The following TRPM5 variants were observed in gnomAD, a reference collection of about 807,000 sequenced individuals.
TRPM5 encodes transient receptor potential cation channel subfamily M member 5, also known as MLSN1 and TRP-related.
Under a neutral mutation model 124.9 loss-of-function variants are expected in TRPM5, and 121 were observed. That is an observed-to-expected ratio of 0.97 (90% CI 0.84 to 1.13). The LOEUF is 1.13. Among genes scored for constraint, TRPM5 ranks in the 50% most tolerant of loss-of-function variants. The pLI is 0.00. For missense variants in TRPM5, 1,643 were observed against 1,589.1 expected (o/e 1.03, Z -0.58); for synonymous variants, 781 against 700.5 (o/e 1.11, Z -1.81).
chr11:2,410,038 T>C (rs1343717410), intron 18 of TRPM5, among the ~76,000 whole-genome samples: 1 of 152,154 alleles, frequency 6.6e-6, no homozygotes, highest in East Asian at 1.9e-4. Flanking sequence ...CTAGAGCTCC[T>C]CCTGCCCCGA....
intron 2 of TRPM5, 87 bp from the exon 8 acceptor site, chr11:2,421,285 G>T: frequency 7.0e-7 from 1 of 1,425,452 alleles, no homozygotes; most frequent in Non-Finnish European, 9.2e-7. Context: ...GGCCCAATCA[G>T]CAGCCAGTTA....
At chr11:2,414,833 C>T in exon 11 of TRPM5, 2 of 1,592,678 alleles carry the variant, frequency 1.3e-6, no homozygotes, top group Non-Finnish European at 1.7e-6. Context: ...CCACACCTTC[C>T]TGGCCCTACG....
At chr11:2,441,957 G>A in the TRPM5 span, among the ~76,000 whole-genome samples, 2 of 152,118 alleles carry the variant, frequency 1.3e-5, no homozygotes, top group Non-Finnish European at 1.5e-5. This position sits in a 1 kb window ranked among gnomAD's most constrained non-coding sequence, Gnocchi z 7.2. Context: ...CCAAAGTGCT[G>A]GGATTACAGG....
intron 7 of TRPM5, among the ~76,000 whole-genome samples, chr11:2,416,743 G>C (rs563319539): frequency 7.2e-4 from 110 of 152,326 alleles, no homozygotes; most frequent in African/African-American, 2.6e-3. Context: ...GCTTAGCAGT[G>C]CCTCTCCCTG....
chr11:2,430,611 G>A, the TRPM5 span, among the ~76,000 whole-genome samples: 2 of 152,078 alleles, frequency 1.3e-5, no homozygotes, highest in African/African-American at 4.8e-5. Context: ...GGTTTTGGTG[G>A]TGGTGATGTT....
chr11:2,412,664 G>A, intron 15 of TRPM5, 90 bp downstream of exon 20: 1 of 1,361,762 alleles, frequency 7.3e-7, no homozygotes, highest in Non-Finnish European at 9.8e-7. Flanking sequence ...TACAGTTGGG[G>A]AGCCCCACCC....
Position 2,411,422 on chromosome 11 carries a change from C to T in TRPM5, c.2712G>A (p.Trp904Ter), listed in dbSNP as rs754940965. ...GCCGGTAGAGCACCCGGCGGAAGAT[C>T]CACTCCAGGCGGCCGTCATGGGGGT... Residue 904 changes from tryptophan to a stop codon, truncating the protein, a stop_gained, in exon 18 of 24, where the codon TGG (tryptophan) becomes TGA (stop). Coordinates refer to ENST00000155858, the Ensembl canonical transcript of TRPM5. LOFTEE classifies it high-confidence loss of function. 4.3e-6 allele frequency: 7 copies of T among 1,612,132 alleles called. No individual in the cohort carries two copies. Among genetic ancestry groups the T allele is most frequent in the Non-Finnish European group, 5.9e-6 (7 of 1,179,578 alleles).
exon 9 of TRPM5, chr11:2,415,432 T>C: frequency 6.3e-7 from 1 of 1,588,894 alleles, no homozygotes; most frequent in Non-Finnish European, 8.5e-7. Context: ...GGCTTGTTGC[T>C]GACCAGGGCG....
intron 21 of TRPM5, 83 bp from the exon 27 acceptor site, chr11:2,406,174 C>G: frequency 6.7e-7 from 1 of 1,494,394 alleles, no homozygotes; most frequent in East Asian, 2.3e-5. Flanking sequence ...CCCAGGCCTC[C>G]CTGTGTGCCC....
At chr11:2,431,995 C>A in the TRPM5 span, among the ~76,000 whole-genome samples, 11 of 152,140 alleles carry the variant, frequency 7.2e-5, no homozygotes, top group Non-Finnish European at 1.6e-4. Flanking sequence ...AGTGTCCAGG[C>A]GTGTCTCTGT....
upstream of TRPM5, among the ~76,000 whole-genome samples, chr11:2,424,582 A>G (rs1845820596): frequency 1.3e-5 from 2 of 152,224 alleles, no homozygotes; most frequent in African/African-American, 4.8e-5. Context: ...ACGCGCAGGG[A>G]AAAACACCCT....
At position 2,421,415 on chromosome 11, in the gene TRPM5, C is replaced by A. The variant is rs529532320; in HGVS notation, c.299-217G>T. 1.2e-3 allele frequency among the ~76,000 whole-genome samples: 188 copies of A among 152,348 alleles called. 1 individual carries two copies. Among genetic ancestry groups the A allele is most frequent in the Middle Eastern group, 3.4e-3 (1 of 292 alleles). ...GCAGCAGAACTGGCTGGGCCCAGAACCTGTGAAGTGGCACCCCCACCCCAC... is the reference window on the plus strand; with the variant it reads ...GCAGCAGAACTGGCTGGGCCCAGAAACTGTGAAGTGGCACCCCCACCCCAC... On this transcript the variant is annotated intron_variant, in intron 2 of 23. Transcript: ENST00000155858.
chr11:2,422,024 AG>A (rs1845779216), intron 2 of TRPM5, 116 bp downstream of exon 7: 1 of 922,680 alleles, frequency 1.1e-6, no homozygotes, highest in South Asian at 1.9e-5. Flanking sequence ...GGGGACAGTC[AG>A]GGGGTCTGGC....
chr11:2,416,118 G>C, intron 7 of TRPM5, 94 bp from the exon 13 acceptor site: 1 of 849,748 alleles, frequency 1.2e-6, no homozygotes, highest in South Asian at 1.7e-5. Context: ...GCCTAGAGAC[G>C]CGGAAACGGG....
chr11:2,441,558 T>C, the TRPM5 span, among the ~76,000 whole-genome samples: 1 of 152,072 alleles, frequency 6.6e-6, no homozygotes, highest in Non-Finnish European at 1.5e-5. The surrounding 1 kb of genome is among the most constrained non-coding windows in gnomAD (Gnocchi z 7.2). Context: ...GACAATCCCT[T>C]GTCCAGTCTC....
intron 18 of TRPM5, among the ~76,000 whole-genome samples, chr11:2,409,483 C>T (rs1850398843): frequency 6.6e-6 from 1 of 152,226 alleles, no homozygotes; most frequent in Non-Finnish European, 1.5e-5. Flanking sequence ...AGAGAACAAG[C>T]TCGTCACCAC....
At chr11:2,432,181 C>A in the TRPM5 span, among the ~76,000 whole-genome samples, 1 of 152,230 alleles carries the variant, frequency 6.6e-6, no homozygotes, top group South Asian at 2.1e-4. Context: ...GGTGCCCAGG[C>A]GCTCACCTGC....
chr11:2,405,708 C>T lies in TRPM5; in HGVS notation c.3325-115G>A, dbSNP rs1589864314. ...GGCCCCCGCTGCCCTGTGACTCCTC[C>T]CTCTGAGAGCTGCCGCTCACAGGCA... On this transcript the variant is annotated intron_variant, in intron 22 of 23. Transcript: ENST00000155858. 2.6e-6 allele frequency: 3 copies of T among 1,158,332 alleles called. No homozygotes were observed. The African/African-American group carries it at 4.6e-5, about 18-fold the overall frequency. 71.8% of individuals were successfully genotyped at this position (1,158,332 alleles called of 1,614,324 possible). A position where few individuals can be genotyped will look rare whatever the true frequency, so the allele number is the denominator to read the frequency against.
chr11:2,414,742 C>T lies in TRPM5; in HGVS notation c.1717G>A (p.Glu573Lys), dbSNP rs759032263. The T allele has an allele frequency of 1.7e-5, 27 of 1,545,588 alleles. No individual in the cohort carries two copies. Among genetic ancestry groups the T allele is most frequent in the South Asian group, 7.1e-5 (6 of 83,990 alleles). Reference sequence around the variant, plus strand: ...AGGGCCAGCCGCTCGTATTTCGCCTCGCGCGTGGCTCGGGCCGCCTCGGCC... The same window carrying T: ...AGGGCCAGCCGCTCGTATTTCGCCTTGCGCGTGGCTCGGGCCGCCTCGGCC... The change falls in exon 11 of 24, where the codon GAG (glutamate) becomes AAG (lysine). Residue 573 changes from glutamate (E) to lysine (K), a missense_variant. Transcript: ENST00000155858.
Sources: gnomAD v4.1 joint callset for allele counts (sites outside exome capture counted in the v4.1 genomes callset) on GRCh38, gnomAD v4.1.1 for gene constraint, Gnocchi (gnomAD v3.1) non-coding constraint, MANE v1.5 for transcripts, NCBI Gene and HGNC (gene_info 2026-07-23, HGNC 2026-07-21) for gene names.